SHC4: variants seen among roughly 807,000 people sequenced by gnomAD.
SHC4 encodes SHC adaptor protein 4.
In SHC4, 41 loss-of-function variants were observed where a neutral mutation model predicts 69.4. The observed-to-expected ratio is 0.59, with a 90% CI of 0.46 to 0.77. The LOEUF (loss-of-function observed/expected upper bound fraction) is 0.77. Ranked by LOEUF, SHC4 falls within the 30% of genes least tolerant of loss-of-function variation. The pLI is 0.00. For missense variants in SHC4, 777 were observed against 783.8 expected (o/e 0.99, Z 0.10); for synonymous variants, 318 against 299.3 (o/e 1.06, Z -0.64).
intron 6 of SHC4, among the ~76,000 whole-genome samples, chr15:48,865,927 G>T (rs545235709): frequency 6.6e-6 from 1 of 152,308 alleles, no homozygotes; most frequent in Non-Finnish European, 1.5e-5. Context: ...AGCAAAGGGA[G>T]AGCTTTGCAG....
At chr15:48,917,900 G>C (rs780558055) in intron 2 of SHC4, among the ~76,000 whole-genome samples, 3 of 152,164 alleles carry the variant, frequency 2.0e-5, no homozygotes, top group Non-Finnish European at 4.4e-5. Flanking sequence ...TTGTTTCAAA[G>C]GCTGACTCTT....
chr15:48,843,499 A>G lies in SHC4; in HGVS notation c.1393T>C (p.Tyr465His). ...CRVDLFDDPC[Y>H]INTQALQSTP... ...CTTTGAAGAGCCTGTGTATTAATGT[A>G]GCAGGGGTCATCAAAGAGATCCACT... Residue 465 changes from tyrosine to histidine, a missense_variant, in exon 10 of 12, where the codon TAC (tyrosine) becomes CAC (histidine). Tyr to His is a moderately conservative substitution (Grantham distance 83, BLOSUM62 2). Coordinates refer to ENST00000332408, the MANE Select transcript of SHC4 (RefSeq NM_203349.4). 10 of 1,614,194 alleles carry G rather than the reference A, an allele frequency of 6.2e-6. No individual in the cohort carries two copies. The highest frequency in any genetic ancestry group is 8.5e-6 in the Non-Finnish European group (10 of 1,180,026).
chr15:48,905,406 G>A (rs904531326), intron 2 of SHC4, among the ~76,000 whole-genome samples: 3 of 152,200 alleles, frequency 2.0e-5, no homozygotes, highest in Non-Finnish European at 4.4e-5. Flanking sequence ...CACACTCTGA[G>A]CTTTCTCAGG....
intron 1 of SHC4, chr15:48,948,156 C>T (rs182310814): frequency 6.6e-6 from 1 of 152,180 alleles, no homozygotes. Flanking sequence ...CCCTGGGACA[C>T]TCTCTATATA....
Position 48,920,838 on chromosome 15 carries a change from C to A in SHC4, c.656+4041G>T, listed in dbSNP as rs1205268558. Among the ~76,000 whole-genome samples the A allele has an allele frequency of 4.6e-5, 7 of 152,126 alleles. No individual in the cohort carries two copies. The East Asian group carries it at 5.8e-4, about 13-fold the overall frequency. On this transcript the variant is annotated intron_variant, in intron 2 of 11. Transcript: ENST00000332408. ...GTGGATCATGCCTGTAATCCCAGCA[C>A]TTTGGAAGTCTGAGGTGGGAGGATC... is the stretch of plus-strand genomic sequence containing the variant.
At chr15:48,933,857 T>C (rs536601967) in intron 1 of SHC4, among the ~76,000 whole-genome samples, 55 of 152,238 alleles carry the variant, frequency 3.6e-4, no homozygotes, top group African/African-American at 1.3e-3. Flanking sequence ...AAAAATGACA[T>C]TGTTTTCAAC....
intron 1 of SHC4, among the ~76,000 whole-genome samples, chr15:48,955,410 G>T (rs902316367): frequency 5.3e-5 from 8 of 152,102 alleles, no homozygotes; most frequent in African/African-American, 1.9e-4. Flanking sequence ...GTCCAGGCTT[G>T]GTTCGGTCCC....
At chr15:48,858,314 G>A (rs1015966438) in intron 6 of SHC4, among the ~76,000 whole-genome samples, 5 of 152,030 alleles carry the variant, frequency 3.3e-5, no homozygotes, top group African/African-American at 7.3e-5. Flanking sequence ...TACGCCCCCC[G>A]CCCCGCTGCC....
intron 2 of SHC4, among the ~76,000 whole-genome samples, chr15:48,903,904 T>A (rs993329790): frequency 1.3e-5 from 2 of 152,178 alleles, no homozygotes; most frequent in Non-Finnish European, 2.9e-5. Context: ...TAGTGGGGAC[T>A]ACAGGTGCAT....
chr15:48,895,522 G>C (rs962974512), intron 2 of SHC4, among the ~76,000 whole-genome samples: 3 of 152,136 alleles, frequency 2.0e-5, no homozygotes, highest in Non-Finnish European at 4.4e-5. Flanking sequence ...GGTAGGGGCT[G>C]ACTCTAGAAA....
At position 48,857,675 on chromosome 15, in the gene SHC4, TA is replaced by T; in HGVS notation, c.1070+16del. ...ATATATATATATTGTCAAATTATTATAAAACTCTTGGCTGACCTTTCACAAG... is the reference window on the plus strand; with the variant it reads ...ATATATATATATTGTCAAATTATTATAAACTCTTGGCTGACCTTTCACAAG... On this transcript the variant is annotated intron_variant, in intron 7 of 11. Transcript: ENST00000332408. 1 of 1,583,944 alleles carries T rather than the reference TA, an allele frequency of 6.3e-7. No homozygotes were observed.
At chr15:48,861,733 C>T (rs1443048117) in intron 6 of SHC4, among the ~76,000 whole-genome samples, 4 of 152,132 alleles carry the variant, frequency 2.6e-5, no homozygotes, top group Non-Finnish European at 2.9e-5. Flanking sequence ...TTCATCCCAC[C>T]TGTAGCAGGA....
intron 1 of SHC4, among the ~76,000 whole-genome samples, chr15:48,936,791 T>C (rs1901079438): frequency 6.6e-6 from 1 of 152,198 alleles, no homozygotes; most frequent in South Asian, 2.1e-4. Context: ...AAAGTACTGG[T>C]CATCTGTGGG....
intron 1 of SHC4, 27 bp downstream of exon 1, chr15:48,962,404 A>G: frequency 6.6e-7 from 1 of 1,511,026 alleles, no homozygotes; most frequent in Non-Finnish European, 8.9e-7. Context: ...GGAAGTTCTT[A>G]GAGGGCAGAG....
intron 2 of SHC4, among the ~76,000 whole-genome samples, chr15:48,899,352 A>G (rs1900277459): frequency 1.3e-5 from 2 of 152,184 alleles, no homozygotes. Flanking sequence ...CTGTAATCCC[A>G]GCTATTAGGG....
intron 1 of SHC4, among the ~76,000 whole-genome samples, chr15:48,938,575 C>A (rs1901116686): frequency 6.6e-6 from 1 of 152,208 alleles, no homozygotes; most frequent in South Asian, 2.1e-4. Context: ...GGGTACAGCA[C>A]CTGATTCGGC....
intron 2 of SHC4, among the ~76,000 whole-genome samples, chr15:48,923,594 G>A (rs1436692008): frequency 6.7e-6 from 1 of 149,786 alleles, no homozygotes; most frequent in Admixed American, 6.6e-5. Flanking sequence ...AATTTTGAGG[G>A]GTAGAGTTTT....
intron 1 of SHC4, among the ~76,000 whole-genome samples, chr15:48,948,741 A>G (rs1901318523): frequency 6.6e-6 from 1 of 152,172 alleles, no homozygotes; most frequent in African/African-American, 2.4e-5. Flanking sequence ...CCCAGTCTCT[A>G]CAGAAATTTT....
chr15:48,908,265 A>G (rs1252780875), intron 2 of SHC4, among the ~76,000 whole-genome samples: 1 of 152,076 alleles, frequency 6.6e-6, no homozygotes, highest in African/African-American at 2.4e-5. Flanking sequence ...GTGGTATTGC[A>G]TTGTGGCTTT....
Sources: allele counts gnomAD v4.1 joint callset (sites outside exome capture counted in the v4.1 genomes callset), GRCh38; gene constraint gnomAD v4.1.1; transcripts MANE v1.5; gene names NCBI Gene and HGNC (gene_info 2026-07-23, HGNC 2026-07-21).